PDE4DIP: variants seen among roughly 807,000 people sequenced by gnomAD.
PDE4DIP encodes the protein phosphodiesterase 4D interacting protein.
Under a neutral mutation model 221.4 loss-of-function variants are expected in PDE4DIP, and 59 were observed. The ratio of observed to expected loss-of-function variants is 0.27; its 90% confidence interval spans 0.22 to 0.33. The LOEUF (loss-of-function observed/expected upper bound fraction) is 0.33. PDE4DIP is among the 10% of genes least tolerant of loss of function. The pLI, the probability that PDE4DIP is intolerant of heterozygous loss-of-function variation, is 1.00. For missense variants in PDE4DIP, 1,036 were observed against 2,154.2 expected (o/e 0.48, Z 10.28); for synonymous variants, 404 against 815.9 (o/e 0.50, Z 8.60).
At chr1:148,987,739 G>C (rs1378860457) in intron 21 of PDE4DIP, among the ~76,000 whole-genome samples, 2 of 152,022 alleles carry the variant, frequency 1.3e-5, no homozygotes, top group Non-Finnish European at 2.9e-5. Context: ...GGGGGAAATG[G>C]TCTTGACTCC....
intron 9 of PDE4DIP, among the ~76,000 whole-genome samples, chr1:148,963,650 ATAATCAGCCCTGTTT>A (rs1158319123): frequency 2.0e-5 from 3 of 151,752 alleles, no homozygotes; most frequent in Non-Finnish European, 4.4e-5. Flanking sequence ...GACATGCATA[ATAATCAGCCCTGTTT>A]TTTATTTTTT....
rs1387966030 is a variant in PDE4DIP, at chr1:149,030,375, G to T, written c.6999+97G>T. On this transcript the variant is annotated intron_variant, in intron 43 of 43. Coordinates refer to ENST00000369354, the Ensembl canonical transcript of PDE4DIP. ...TGTAGGTGACCCTTGGCCTGCTTTG[G>T]CCTTCCAGGAGAAGACTTGGGGTCC... 4 of 1,540,500 alleles carry T rather than the reference G, an allele frequency of 2.6e-6. No individual in the cohort carries two copies. In the African/African-American group the frequency reaches 5.5e-5, roughly 21 times the overall value.
intron 34 of PDE4DIP, chr1:149,018,245 T>A (rs1446783894): frequency 4.9e-5 from 21 of 426,506 alleles, no homozygotes; most frequent in African/African-American, 3.1e-4. Flanking sequence ...CCTTCCAAGC[T>A]GCTGTCATGT....
At chr1:149,017,726 T>G in intron 33 of PDE4DIP, 22 bp from the exon 37 acceptor site, 3 of 1,456,060 alleles carry the variant, frequency 2.1e-6, no homozygotes, top group Non-Finnish European at 2.9e-6. Context: ...CCTCTCTTCA[T>G]GTCCTGGTGG....
intron 22 of PDE4DIP, among the ~76,000 whole-genome samples, chr1:148,995,616 C>A (rs1355899355): frequency 5.6e-4 from 83 of 148,930 alleles, no homozygotes; most frequent in African/African-American, 1.8e-3. Context: ...GAAAAAAAAA[C>A]CAATAAGACA....
intron 2 of PDE4DIP, chr1:148,929,683 GACA>G (rs2047423800): frequency 6.3e-6 from 1 of 158,992 alleles, no homozygotes; most frequent in African/African-American, 2.4e-5. Context: ...TGTAAATTGT[GACA>G]ACATTTTTAG....
At chr1:148,905,223 G>C (rs1468649685) in intron 1 of PDE4DIP, among the ~76,000 whole-genome samples, 1 of 124,086 alleles carries the variant, frequency 8.1e-6, no homozygotes, top group African/African-American at 3.2e-5. Context: ...TTGCTCTGTC[G>C]CCTAGGCTGG....
intron 19 of PDE4DIP, 136 bp from the exon 23 acceptor site, chr1:148,979,601 A>G (rs1217886668): frequency 4.3e-6 from 3 of 692,872 alleles, no homozygotes; most frequent in East Asian, 2.8e-5. Context: ...TTTGAAAACT[A>G]TAAAATAGTA....
At chr1:148,954,124 T>C (rs1339454132) in intron 5 of PDE4DIP, among the ~76,000 whole-genome samples, 1 of 152,230 alleles carries the variant, frequency 6.6e-6, no homozygotes, top group Non-Finnish European at 1.5e-5. Context: ...CTGTTGACTT[T>C]CCCATTATCA....
intron 1 of PDE4DIP, among the ~76,000 whole-genome samples, chr1:148,917,113 G>A (rs1256773756): frequency 1.6e-4 from 24 of 149,650 alleles, no homozygotes; most frequent in Non-Finnish European, 1.3e-4. Flanking sequence ...CTGGGGAGGG[G>A]AGAGAATCGC....
chr1:148,964,194 C>T (rs587643890), intron 9 of PDE4DIP, among the ~76,000 whole-genome samples: 37 of 151,430 alleles, frequency 2.4e-4, no homozygotes, highest in African/African-American at 8.7e-4. Context: ...ACTGCAACCT[C>T]CACCTCCCGG....
chr1:148,867,937 C>A (rs1553409633), intron 2 of PDE4DIP, among the ~76,000 whole-genome samples: 1 of 150,572 alleles, frequency 6.6e-6, no homozygotes, highest in South Asian at 2.1e-4. Context: ...CTGGCTGCAA[C>A]TTTCTGATGG....
intron 37 of PDE4DIP, among the ~76,000 whole-genome samples, chr1:149,023,948 GAA>G (rs1202669166): frequency 2.4e-4 from 35 of 146,670 alleles, no homozygotes; most frequent in South Asian, 6.7e-4. Flanking sequence ...GAGAGAGAGA[GAA>G]AGAGAGAGAG....
chr1:148,862,326 C>T (rs1451869854), intron 1 of PDE4DIP, among the ~76,000 whole-genome samples: 1 of 149,712 alleles, frequency 6.7e-6, no homozygotes, highest in African/African-American at 2.5e-5. Context: ...CCTAAAAGCA[C>T]TTGTCAAGCA....
chr1:148,948,379 T>C (rs1487283043), intron 5 of PDE4DIP, among the ~76,000 whole-genome samples: 1 of 149,870 alleles, frequency 6.7e-6, no homozygotes, highest in Admixed American at 6.7e-5. Flanking sequence ...TATCCTAAGG[T>C]GGGGCGCAGT....
intron 2 of PDE4DIP, chr1:148,930,633 A>G (rs1439690701): frequency 6.6e-6 from 1 of 151,968 alleles, no homozygotes; most frequent in East Asian, 1.9e-4. Flanking sequence ...ACCTTGGAAT[A>G]CATCTAACCA....
intron 1 of PDE4DIP, among the ~76,000 whole-genome samples, chr1:148,824,272 C>T (rs1479826189): frequency 1.3e-5 from 2 of 149,062 alleles, no homozygotes; most frequent in African/African-American, 2.5e-5. Context: ...TTCAGACTCA[C>T]GCACACGGTA....
At chr1:148,925,608 T>G (rs2046519356) in intron 1 of PDE4DIP, among the ~76,000 whole-genome samples, 1 of 151,674 alleles carries the variant, frequency 6.6e-6, no homozygotes, top group Admixed American at 6.6e-5. Flanking sequence ...TCCTTTTAGA[T>G]CTAAGTATTT....
chr1:149,000,636 C>T (rs1342830633), intron 23 of PDE4DIP, among the ~76,000 whole-genome samples: 2 of 151,976 alleles, frequency 1.3e-5, no homozygotes, highest in African/African-American at 4.8e-5. Context: ...CTTAGCTCTA[C>T]AGCTTTTTAA....
Sources: allele counts gnomAD v4.1 joint callset (sites outside exome capture counted in the v4.1 genomes callset), GRCh38; gene constraint gnomAD v4.1.1; transcripts MANE v1.5; gene names NCBI Gene and HGNC (gene_info 2026-07-23, HGNC 2026-07-21).